The following MYT1L variants were observed in gnomAD, a reference collection of about 807,000 sequenced individuals.
MYT1L encodes the protein myelin transcription factor 1-like protein.
In MYT1L, 12 loss-of-function variants were observed where a neutral mutation model predicts 126.7. The ratio of observed to expected loss-of-function variants is 0.09; its 90% CI spans 0.06 to 0.15. The LOEUF (loss-of-function observed/expected upper bound fraction) is 0.15. Among genes scored for constraint, MYT1L ranks in the 10% least tolerant of loss-of-function variants. MYT1L has a pLI of 1.00. For synonymous variants in MYT1L, 541 were observed against 604.2 expected (o/e 0.90, Z 1.53); for missense variants, 979 against 1,585.2 (o/e 0.62, Z 6.49).
chr2:2,287,172 C>A (rs1390445880), intron 1 of MYT1L, among the ~76,000 whole-genome samples: 1 of 152,138 alleles, frequency 6.6e-6, no homozygotes, highest in Non-Finnish European at 1.5e-5. Flanking sequence ...AGGAGAATAG[C>A]TTGAACCTGG....
At position 1,928,728 on chromosome 2, in the gene MYT1L, C is replaced by T. The variant is rs140584343; in HGVS notation, c.506-5465G>A. On this transcript the variant is annotated intron_variant, in intron 9 of 24. Transcript: ENST00000647738. Reference sequence around the variant, plus strand: ...TTATGGACTGAAGGCTTGGTTGTATCACCAACCACTCAGAGCTGTGCTGGA... The same window carrying T: ...TTATGGACTGAAGGCTTGGTTGTATTACCAACCACTCAGAGCTGTGCTGGA... 5.3e-4 allele frequency among the ~76,000 whole-genome samples: 81 copies of T among 152,250 alleles called. No homozygotes were observed. The South Asian group carries it at 5.6e-3, about 11-fold the overall frequency.
At chr2:1,991,397 A>C (rs1393266286) in intron 5 of MYT1L, among the ~76,000 whole-genome samples, 1 of 151,986 alleles carries the variant, frequency 6.6e-6, no homozygotes, top group African/African-American at 2.4e-5. Flanking sequence ...TCCTAGACCC[A>C]AGTGGCCTTT....
intron 1 of MYT1L, among the ~76,000 whole-genome samples, chr2:2,316,090 G>A (rs1408668068): frequency 6.6e-6 from 1 of 152,156 alleles, no homozygotes; most frequent in Non-Finnish European, 1.5e-5. Context: ...GACCTGGAAA[G>A]GCTCCTTTGA....
chr2:1,866,423 G>A (rs1275715150), intron 18 of MYT1L, among the ~76,000 whole-genome samples: 6 of 150,148 alleles, frequency 4.0e-5, no homozygotes, highest in Non-Finnish European at 8.9e-5. Flanking sequence ...AGAGAAGGAG[G>A]CAGGCAGAGA....
chr2:2,101,745 C>T (rs2078119379), intron 3 of MYT1L, among the ~76,000 whole-genome samples: 1 of 152,182 alleles, frequency 6.6e-6, no homozygotes. Flanking sequence ...CCCATCCATC[C>T]ACCTATCCAT....
intron 2 of MYT1L, among the ~76,000 whole-genome samples, chr2:2,207,414 T>C (rs1425228821): frequency 6.6e-6 from 1 of 152,192 alleles, no homozygotes; most frequent in Non-Finnish European, 1.5e-5. Context: ...AGAAACGCCC[T>C]GAGGAATTGG....
chr2:2,185,755 A>T (rs547095008), intron 2 of MYT1L, among the ~76,000 whole-genome samples: 1 of 104,672 alleles, frequency 9.6e-6, no homozygotes, highest in African/African-American at 3.8e-5. Flanking sequence ...GGCCTCCCAG[A>T]CGCCCGCGTT....
chr2:1,922,586 C>G lies in MYT1L; in HGVS notation c.1183G>C (p.Val395Leu). 6.2e-7 allele frequency: 1 copy of G among 1,614,030 alleles called. No individual in the cohort carries two copies. The highest frequency in any genetic ancestry group is 8.5e-7 in the Non-Finnish European group (1 of 1,179,900). The stretch of plus-strand genomic sequence containing the variant: ...TCCTCCTTCGCACAGCTGGCAAACA[C>G]TCTCGACCGGGGGCTCAACTGCTCC... ...LEEQLSPRSR[V>L]FASCAKEDGC... The change falls in exon 10 of 25, where the codon GTG (valine) becomes CTG (leucine). Residue 395 changes from valine (V) to leucine (L), a missense_variant. By Grantham distance (32) the Val-to-Leu change is conservative. Around this residue, in one of 12 missense-constraint regions of MYT1L, gnomAD observed 243 missense variants for 363.9 expected, o/e 0.67. Coordinates refer to ENST00000647738, the MANE Select transcript of MYT1L (RefSeq NM_001303052.2). This position sits in a 1 kb window ranked among gnomAD's most constrained non-coding sequence, Gnocchi z 7.4.
chr2:2,009,309 T>A (rs1175058095), intron 4 of MYT1L, among the ~76,000 whole-genome samples: 1 of 152,190 alleles, frequency 6.6e-6, no homozygotes, highest in African/African-American at 2.4e-5. Flanking sequence ...GTATGGACAT[T>A]TTAACAATAC....
chr2:2,314,616 G>T (rs1011931067), intron 1 of MYT1L, among the ~76,000 whole-genome samples: 1 of 152,088 alleles, frequency 6.6e-6, no homozygotes, highest in African/African-American at 2.4e-5. Flanking sequence ...TTGTTACATA[G>T]GTAAACATGT....
At chr2:2,061,938 G>C (rs531070675) in intron 3 of MYT1L, among the ~76,000 whole-genome samples, 8 of 152,048 alleles carry the variant, frequency 5.3e-5, no homozygotes, top group African/African-American at 1.9e-4. Flanking sequence ...TCCCCAGAGG[G>C]AAAGCTTTCA....
chr2:2,085,256 G>A (rs2150345195), intron 3 of MYT1L, among the ~76,000 whole-genome samples: 1 of 152,220 alleles, frequency 6.6e-6, no homozygotes, highest in South Asian at 2.1e-4. Context: ...CCTGAACTCA[G>A]CTCTGGCTGT....
At chr2:2,189,472 C>T (rs1474938526) in intron 2 of MYT1L, among the ~76,000 whole-genome samples, 1 of 152,310 alleles carries the variant, frequency 6.6e-6, no homozygotes, top group Non-Finnish European at 1.5e-5. Context: ...GCATGAAAGA[C>T]ATTTGCTAAA....
chr2:2,097,976 C>T (rs866467659), intron 3 of MYT1L, among the ~76,000 whole-genome samples: 4 of 152,116 alleles, frequency 2.6e-5, no homozygotes, highest in African/African-American at 7.2e-5. Flanking sequence ...GTGGCACCTC[C>T]CCGCTTGCCC....
chr2:1,935,000 C>G (rs2055664684), intron 9 of MYT1L, among the ~76,000 whole-genome samples: 1 of 152,176 alleles, frequency 6.6e-6, no homozygotes, highest in African/African-American at 2.4e-5. Context: ...CTCTTTGTCT[C>G]TAGTCTTCCA....
At chr2:2,238,338 T>C (rs1482809819) in intron 2 of MYT1L, among the ~76,000 whole-genome samples, 9 of 152,130 alleles carry the variant, frequency 5.9e-5, no homozygotes, top group African/African-American at 1.9e-4. Context: ...TGGGACTAGA[T>C]CAATAATGTT....
intron 3 of MYT1L, among the ~76,000 whole-genome samples, chr2:2,066,103 CA>C (rs754195175): frequency 6.6e-6 from 1 of 151,876 alleles, no homozygotes; most frequent in Admixed American, 6.6e-5. Context: ...TTTCAATTTC[CA>C]AAAAAAGTGA....
rs141093496 is a variant in MYT1L, at chr2:2,175,695, C to A, written c.-420-2707G>T. Among the ~76,000 whole-genome samples, 127 of 152,300 alleles carry A rather than the reference C, an allele frequency of 8.3e-4. 1 individual carries two copies. In the East Asian group the frequency reaches 0.01, roughly 12 times the overall value. On this transcript the variant is annotated intron_variant, in intron 2 of 24. Transcript: ENST00000647738. ...TACATACTTTCCTGGACCCTTGCCT[C>A]GATACTGTCTGAACAGGAAAACTGC...
intron 3 of MYT1L, among the ~76,000 whole-genome samples, chr2:2,094,123 G>A (rs542368654): frequency 3.9e-5 from 6 of 152,264 alleles, no homozygotes; most frequent in East Asian, 1.9e-4. Context: ...GTCAGGTAGC[G>A]TGATGCTTCC....
Sources: allele counts gnomAD v4.1 joint callset (sites outside exome capture counted in the v4.1 genomes callset), GRCh38; gene constraint gnomAD v4.1.1; regional missense constraint gnomAD v4.1.1; non-coding constraint Gnocchi (gnomAD v3.1); transcripts MANE v1.5; gene names NCBI Gene and HGNC (gene_info 2026-07-23, HGNC 2026-07-21).